Variants in DCC observed in about 807,000 individuals in gnomAD.
DCC encodes netrin receptor DCC.
A neutral mutation model predicts 172.5 loss-of-function variants in DCC; 58 were observed. The ratio of observed to expected loss-of-function variants is 0.34; its 90% confidence interval spans 0.27 to 0.42. DCC has a LOEUF of 0.42. Ranked by LOEUF, DCC falls within the 10% of genes least tolerant of loss-of-function variation. The pLI is 1.00. For missense variants in DCC, 1,740 were observed against 1,791.0 expected (o/e 0.97, Z 0.51); for synonymous variants, 709 against 644.5 (o/e 1.10, Z -1.52).
At chr18:52,373,349 C>T (rs1985206217) in intron 1 of DCC, among the ~76,000 whole-genome samples, 1 of 152,098 alleles carries the variant, frequency 6.6e-6, no homozygotes, top group African/African-American at 2.4e-5. Flanking sequence ...TGCTGTTCTA[C>T]TTTTGAGGGG....
At chr18:52,961,552 A>G (rs2040842633) in intron 5 of DCC, among the ~76,000 whole-genome samples, 1 of 152,180 alleles carries the variant, frequency 6.6e-6, no homozygotes, top group East Asian at 1.9e-4. Flanking sequence ...AGGAAAGCAA[A>G]GGCTCATGCT....
At chr18:53,422,816 T>G (rs979043157) in intron 21 of DCC, among the ~76,000 whole-genome samples, 15 of 152,238 alleles carry the variant, frequency 9.9e-5, no homozygotes, top group Middle Eastern at 3.4e-3. Context: ...TGGGAGCTGT[T>G]TAATTGAAAA....
intron 15 of DCC, among the ~76,000 whole-genome samples, chr18:53,359,658 G>A (rs2057922136): frequency 6.6e-6 from 1 of 152,140 alleles, no homozygotes; most frequent in Non-Finnish European, 1.5e-5. Flanking sequence ...CTGCTCTAAA[G>A]AATGAGCCAT....
At chr18:52,901,038 G>C (rs558726771) in intron 2 of DCC, among the ~76,000 whole-genome samples, 1 of 152,292 alleles carries the variant, frequency 6.6e-6, no homozygotes, top group Admixed American at 6.5e-5. Flanking sequence ...GGAGTGAAGA[G>C]TATTCACATA....
chr18:53,067,728 A>G (rs1469254575), intron 7 of DCC, among the ~76,000 whole-genome samples: 2 of 152,226 alleles, frequency 1.3e-5, no homozygotes, highest in Non-Finnish European at 2.9e-5. Flanking sequence ...AATATCTCCC[A>G]TAAAGAGTTA....
chr18:53,046,506 CT>C (rs1411985611), intron 5 of DCC, among the ~76,000 whole-genome samples: 1 of 150,004 alleles, frequency 6.7e-6, no homozygotes, highest in African/African-American at 2.4e-5. Flanking sequence ...AGATAATTTA[CT>C]TTTTTTAGCA....
chr18:52,362,806 A>G (rs79766050), intron 1 of DCC, among the ~76,000 whole-genome samples: 1 of 151,664 alleles, frequency 6.6e-6, no homozygotes, highest in Non-Finnish European at 1.5e-5. Context: ...TCCTCCCTCC[A>G]TAAACCAAAA....
chr18:53,216,972 G>A (rs1381637350), intron 12 of DCC, among the ~76,000 whole-genome samples: 1 of 152,054 alleles, frequency 6.6e-6, no homozygotes, highest in Non-Finnish European at 1.5e-5. Context: ...GTTAATGAAT[G>A]AAATTTGGAA....
At chr18:53,286,821 T>G (rs2056940915) in intron 12 of DCC, among the ~76,000 whole-genome samples, 1 of 152,216 alleles carries the variant, frequency 6.6e-6, no homozygotes, top group African/African-American at 2.4e-5. Context: ...GACTCACAAA[T>G]GTAGGGGTGT....
At chr18:52,928,048 A>G (rs2040246758) in intron 5 of DCC, among the ~76,000 whole-genome samples, 1 of 152,150 alleles carries the variant, frequency 6.6e-6, no homozygotes. Flanking sequence ...GAATAAAGAA[A>G]ATATGGTAAA....
chr18:52,544,484 T>A (rs1181085476), intron 1 of DCC, among the ~76,000 whole-genome samples: 1 of 151,992 alleles, frequency 6.6e-6, no homozygotes, highest in Non-Finnish European at 1.5e-5. Context: ...AAGACATTCC[T>A]TCCCTGCTGT....
chr18:53,072,707 A>G (rs1208570088), intron 7 of DCC, among the ~76,000 whole-genome samples: 1 of 152,224 alleles, frequency 6.6e-6, no homozygotes, highest in Non-Finnish European at 1.5e-5. Context: ...TCATAACAAG[A>G]ATAAATGCTA....
At chr18:52,521,558 G>T (rs1317418313) in intron 1 of DCC, among the ~76,000 whole-genome samples, 2 of 152,066 alleles carry the variant, frequency 1.3e-5, no homozygotes, top group African/African-American at 4.8e-5. Context: ...GGGAGTTAGA[G>T]GTTCAATATA....
intron 2 of DCC, among the ~76,000 whole-genome samples, chr18:52,866,446 T>C (rs1335060574): frequency 6.6e-6 from 1 of 152,332 alleles, no homozygotes; most frequent in Non-Finnish European, 1.5e-5. Context: ...GGTTGCTTGA[T>C]GGGGACAGCA....
chr18:52,758,343 A>G (rs961902935), intron 2 of DCC, among the ~76,000 whole-genome samples: 9 of 152,356 alleles, frequency 5.9e-5, no homozygotes, highest in African/African-American at 2.2e-4. Context: ...TTAAAAATCA[A>G]GAAAATAAAA....
intron 26 of DCC, among the ~76,000 whole-genome samples, chr18:53,494,104 C>G (rs892137551): frequency 1.3e-5 from 2 of 152,162 alleles, no homozygotes; most frequent in African/African-American, 4.8e-5. Context: ...CATTCAGGAG[C>G]AGGTTGTTCA....
At chr18:52,727,386 T>A (rs1354848257) in intron 1 of DCC, among the ~76,000 whole-genome samples, 1 of 152,160 alleles carries the variant, frequency 6.6e-6, no homozygotes, top group Non-Finnish European at 1.5e-5. Flanking sequence ...GATAAGGACT[T>A]TGAAATGTGA....
At position 52,381,284 on chromosome 18, in the gene DCC, G is replaced by A. The variant is rs182212232; in HGVS notation, c.91+40406G>A. 1.3e-4 allele frequency among the ~76,000 whole-genome samples: 20 copies of A among 152,274 alleles called. No individual in the cohort carries two copies. In the East Asian group the frequency reaches 3.7e-3, roughly 28 times the overall value. ...AGACCATCTGGATTTACTTAAGGGG[G>A]AGGTGATGCATGTAGTTGGTGCAGC... On this transcript the variant is annotated intron_variant, in intron 1 of 28. Transcript: ENST00000442544.
At chr18:53,512,159 C>T (rs1047904058) in intron 27 of DCC, among the ~76,000 whole-genome samples, 1 of 150,460 alleles carries the variant, frequency 6.6e-6, no homozygotes, top group African/African-American at 2.4e-5. Flanking sequence ...TGACCCCGAC[C>T]CCCCAGCAGC....
Sources: allele counts gnomAD v4.1 joint callset (sites outside exome capture counted in the v4.1 genomes callset), GRCh38; gene constraint gnomAD v4.1.1; transcripts MANE v1.5; gene names NCBI Gene and HGNC (gene_info 2026-07-23, HGNC 2026-07-21).